PAPPA2: variants seen among roughly 807,000 people sequenced by gnomAD.
PAPPA2 encodes the protein pappalysin-2.
Under a neutral mutation model 176.4 loss-of-function variants are expected in PAPPA2, and 86 were observed. The ratio of observed to expected loss-of-function variants is 0.49; its 90% CI spans 0.41 to 0.58. The LOEUF (loss-of-function observed/expected upper bound fraction) is 0.58, where lower values mean the gene tolerates loss of function less well. Ranked by LOEUF, PAPPA2 falls within the 20% of genes least tolerant of loss-of-function variation. PAPPA2 has a pLI of 0.00. For synonymous variants in PAPPA2, 809 were observed against 852.2 expected (o/e 0.95, Z 0.88); for missense variants, 2,073 against 2,256.9 (o/e 0.92, Z 1.65).
chr1:176,606,334 TA>T (rs1211122483), intron 3 of PAPPA2, among the ~76,000 whole-genome samples: 15 of 152,202 alleles, frequency 9.9e-5, no homozygotes, highest in Admixed American at 6.5e-4. Flanking sequence ...GTTTAGCTGA[TA>T]GTGGATAAAA....
chr1:176,769,828 T>C (rs745531167), intron 16 of PAPPA2, 44 bp downstream of exon 16: 1 of 1,532,346 alleles, frequency 6.5e-7, no homozygotes, highest in Non-Finnish European at 8.8e-7. Context: ...TTCTCTGCCA[T>C]CCCTCGCTCT....
In PAPPA2 at chr1:176,671,199, G is replaced by A. The variant is rs1297063445; in HGVS notation, c.2137+84G>A. The A allele has an allele frequency of 2.6e-6, 4 of 1,541,786 alleles. No homozygotes were observed. In the African/African-American group the frequency reaches 4.1e-5, roughly 16 times the overall value. On this transcript the variant is annotated intron_variant, in intron 4 of 22. Coordinates refer to ENST00000367662, the MANE Select transcript of PAPPA2 (RefSeq NM_020318.3). ...TGCGAAAGTAAGTTTGGGGAAAAAA[G>A]AAAGACAGAGAAAAAGTGAATTTAC... is the stretch of plus-strand genomic sequence containing the variant.
At chr1:176,599,682 T>C (rs1344579371) in intron 3 of PAPPA2, among the ~76,000 whole-genome samples, 1 of 151,860 alleles carries the variant, frequency 6.6e-6, no homozygotes, top group Non-Finnish European at 1.5e-5. Flanking sequence ...CATTTGGAAT[T>C]GTTTTTTTGT....
At chr1:176,515,648 C>G (rs1185385481) in intron 1 of PAPPA2, among the ~76,000 whole-genome samples, 8 of 152,166 alleles carry the variant, frequency 5.3e-5, no homozygotes, top group Non-Finnish European at 1.2e-4. Context: ...CCTCTTTGCT[C>G]CATTGTTAAT....
At chr1:176,836,324 G>A (rs61821311) in intron 21 of PAPPA2, among the ~76,000 whole-genome samples, 10,991 of 152,194 alleles carry the variant, frequency 0.072, 433 homozygotes, top group Non-Finnish European at 0.086. Flanking sequence ...CTCTTGGTCT[G>A]AAACACTCAT....
intron 14 of PAPPA2, among the ~76,000 whole-genome samples, chr1:176,760,509 G>A (rs1663649499): frequency 6.6e-6 from 1 of 152,132 alleles, no homozygotes; most frequent in African/African-American, 2.4e-5. Flanking sequence ...CAGGCCTATG[G>A]AATCAAAATT....
At chr1:176,588,457 A>G (rs1273365751) in intron 2 of PAPPA2, among the ~76,000 whole-genome samples, 1 of 152,208 alleles carries the variant, frequency 6.6e-6, no homozygotes, top group Non-Finnish European at 1.5e-5. Flanking sequence ...GTCAGATAGG[A>G]GAAGTGAGAG....
intron 3 of PAPPA2, among the ~76,000 whole-genome samples, chr1:176,620,813 C>A (rs559100282): frequency 5.7e-4 from 86 of 152,088 alleles, no homozygotes; most frequent in Admixed American, 4.8e-3. Context: ...AGTGGCTTAG[C>A]TGAGTATAAA....
intron 3 of PAPPA2, among the ~76,000 whole-genome samples, chr1:176,613,323 A>G (rs1252135655): frequency 5.3e-5 from 8 of 152,262 alleles, no homozygotes; most frequent in Admixed American, 5.2e-4. Flanking sequence ...ATTCAGAGTT[A>G]CAGAACTTCA....
At chr1:176,673,324 G>C (rs763930670) in intron 4 of PAPPA2, among the ~76,000 whole-genome samples, 1 of 152,148 alleles carries the variant, frequency 6.6e-6, no homozygotes, top group Non-Finnish European at 1.5e-5. Context: ...TCCTGTTCCT[G>C]TAGTCCATTT....
chr1:176,650,971 T>C (rs1006430329), intron 3 of PAPPA2, among the ~76,000 whole-genome samples: 6 of 151,728 alleles, frequency 4.0e-5, no homozygotes, highest in Admixed American at 1.3e-4. Context: ...AGGAAAATAA[T>C]ACAAAGAAAT....
chr1:176,647,376 G>A (rs1427097101), intron 3 of PAPPA2, among the ~76,000 whole-genome samples: 7 of 151,546 alleles, frequency 4.6e-5, no homozygotes, highest in Non-Finnish European at 8.9e-5. Flanking sequence ...TCTTCACTTT[G>A]TTGATTGTTT....
At chr1:176,593,705 C>T (rs934923015) in intron 2 of PAPPA2, among the ~76,000 whole-genome samples, 6 of 152,116 alleles carry the variant, frequency 3.9e-5, no homozygotes, top group Non-Finnish European at 7.4e-5. Flanking sequence ...GATTTAATAG[C>T]CTGTAAATGC....
chr1:176,756,498 G>A (rs1663425255), intron 14 of PAPPA2, among the ~76,000 whole-genome samples: 1 of 152,048 alleles, frequency 6.6e-6, no homozygotes, highest in Non-Finnish European at 1.5e-5. Flanking sequence ...TGCTTCCCAG[G>A]GCAAGTGCTA....
At chr1:176,744,862 T>C (rs1190215628) in intron 14 of PAPPA2, among the ~76,000 whole-genome samples, 1 of 152,228 alleles carries the variant, frequency 6.6e-6, no homozygotes, top group Non-Finnish European at 1.5e-5. Flanking sequence ...CAATCTTGGT[T>C]TTTGGTATTG....
chr1:176,805,061 C>CCCTTCCTT (rs61431554), intron 21 of PAPPA2, among the ~76,000 whole-genome samples: 10 of 147,066 alleles, frequency 6.8e-5, no homozygotes, highest in Admixed American at 1.4e-4. Context: ...CTTCTTCCTT[C>CCCTTCCTT]CCTTCCTTCC....
intron 3 of PAPPA2, among the ~76,000 whole-genome samples, chr1:176,620,579 T>A (rs1655528728): frequency 6.6e-6 from 1 of 152,194 alleles, no homozygotes; most frequent in Non-Finnish European, 1.5e-5. Flanking sequence ...ATATTATTGT[T>A]GTAGTATGAA....
chr1:176,704,223 G>A (rs530598057), intron 9 of PAPPA2, among the ~76,000 whole-genome samples: 99 of 152,242 alleles, frequency 6.5e-4, no homozygotes, highest in Non-Finnish European at 1.1e-3. Context: ...GCACTGCTTG[G>A]CTACTGGGTC....
intron 3 of PAPPA2, among the ~76,000 whole-genome samples, chr1:176,669,530 CAGG>C (rs1168800027): frequency 2.0e-5 from 3 of 152,158 alleles, no homozygotes; most frequent in Non-Finnish European, 4.4e-5. Context: ...AGGAAAGCAG[CAGG>C]AGAACTATCC....
Sources: gnomAD v4.1 joint callset for allele counts (sites outside exome capture counted in the v4.1 genomes callset) on GRCh38, gnomAD v4.1.1 for gene constraint, MANE v1.5 for transcripts, NCBI Gene and HGNC (gene_info 2026-07-23, HGNC 2026-07-21) for gene names.